Variants in RREB1 observed in about 807,000 individuals in gnomAD.
The protein encoded by RREB1 is ras-responsive element-binding protein 1.
A neutral mutation model predicts 117.8 loss-of-function variants in RREB1; 27 were observed. That is an observed-to-expected ratio of 0.23 (90% CI 0.17 to 0.32). The LOEUF (loss-of-function observed/expected upper bound fraction) is 0.32, where lower values mean the gene tolerates loss of function less well. Among genes scored for constraint, RREB1 ranks in the 10% least tolerant of loss-of-function variants. The pLI is 1.00. For synonymous variants in RREB1, 1,298 were observed against 1,026.7 expected (o/e 1.26, Z -5.05); for missense variants, 2,577 against 2,378.2 (o/e 1.08, Z -1.74).
At chr6:7,172,405 C>G (rs368342616) in intron 1 of RREB1, among the ~76,000 whole-genome samples, 3 of 151,746 alleles carry the variant, frequency 2.0e-5, no homozygotes, top group African/African-American at 4.8e-5. Flanking sequence ...TGCATCCCCC[C>G]ACCCCGGCTT....
chr6:7,225,177 G>A (rs1767511792), intron 8 of RREB1, among the ~76,000 whole-genome samples: 1 of 152,198 alleles, frequency 6.6e-6, no homozygotes, highest in Non-Finnish European at 1.5e-5. Context: ...GGCTTTGCCT[G>A]GCTAAAACAG....
intron 6 of RREB1, among the ~76,000 whole-genome samples, chr6:7,195,683 C>T (rs1246571284): frequency 6.6e-6 from 1 of 152,190 alleles, no homozygotes; most frequent in African/African-American, 2.4e-5. Context: ...CTGTTGGCAC[C>T]TGCTGGGATT....
intron 1 of RREB1, among the ~76,000 whole-genome samples, chr6:7,148,544 G>T (rs553646310): frequency 6.7e-6 from 1 of 150,080 alleles, no homozygotes; most frequent in East Asian, 1.9e-4. Context: ...AAGTAAAGTG[G>T]GGGGGGGTGG....
At chr6:7,118,752 T>TA (rs1452600606) in intron 1 of RREB1, among the ~76,000 whole-genome samples, 3 of 151,122 alleles carry the variant, frequency 2.0e-5, no homozygotes, top group African/African-American at 7.3e-5. Flanking sequence ...CTTTTGAAAA[T>TA]AGTCAGTTTT....
intron 1 of RREB1, among the ~76,000 whole-genome samples, chr6:7,126,502 C>T (rs763038599): frequency 8.6e-5 from 13 of 151,782 alleles, no homozygotes; most frequent in South Asian, 2.1e-4. Context: ...CTCCTGACCT[C>T]GGGTGATCTG....
intron 1 of RREB1, among the ~76,000 whole-genome samples, chr6:7,146,815 G>C (rs1316687768): frequency 2.0e-5 from 3 of 151,610 alleles, no homozygotes; most frequent in African/African-American, 4.9e-5. Flanking sequence ...AGAGGAAAAG[G>C]AGCTCTTTTT....
chr6:7,142,308 C>G (rs951722583), intron 1 of RREB1, among the ~76,000 whole-genome samples: 4 of 152,368 alleles, frequency 2.6e-5, no homozygotes, highest in African/African-American at 7.2e-5. Context: ...CTTTTACACC[C>G]TCCTCCGAGA....
chr6:7,221,463 C>T (rs1204099818), intron 8 of RREB1, among the ~76,000 whole-genome samples: 4 of 152,198 alleles, frequency 2.6e-5, no homozygotes, highest in African/African-American at 7.2e-5. Flanking sequence ...TGAGCCACCG[C>T]GCCCGGCCGC....
Position 7,246,839 on chromosome 6 carries a change from G to A in RREB1, c.4389G>A (p.Leu1463=), listed in dbSNP as rs747015232. ...CGKSFKFLGT[L]SRHRKAHGRQ... is the part of the protein sequence containing the mutation. ...AGAGCTTCAAGTTCCTGGGCACCCTGAGCCGCCACCGGAAGGCGCACGGCC... is the reference window on the plus strand; with the variant it reads ...AGAGCTTCAAGTTCCTGGGCACCCTAAGCCGCCACCGGAAGGCGCACGGCC... The change falls in exon 12 of 13, where the codon CTG becomes CTA. Residue 1463 remains leucine (L), a synonymous_variant. Transcript: ENST00000379938. 6.4e-7 allele frequency: 1 copy of A among 1,553,424 alleles called. No individual in the cohort carries two copies. Among genetic ancestry groups the A allele is most frequent in the African/African-American group, 1.4e-5 (1 of 73,468 alleles).
At position 7,196,216 on chromosome 6, in the gene RREB1, TC is replaced by T. The variant is rs1274496817; in HGVS notation, c.425+6895del. On this transcript the variant is annotated intron_variant, in intron 6 of 12. Coordinates refer to ENST00000379938, the MANE Select transcript of RREB1 (RefSeq NM_001003699.4). ...GTTCGTTGTTTTTTGGTTTTTTTTT[TC>T]GTTTTTTTTTTTTGTTTTTTTTTTT... 1.1e-4 allele frequency among the ~76,000 whole-genome samples: 15 copies of T among 137,768 alleles called. 1 individual carries two copies. The highest frequency in any genetic ancestry group is 2.2e-4 in the South Asian group (1 of 4,520). The allele number at this position is 137,768 out of a possible 152,430, so 90.4% of individuals were successfully genotyped here. A position where few individuals can be genotyped will look rare whatever the true frequency, so the allele number is the denominator to read the frequency against.
At chr6:7,123,685 A>G (rs974470006) in intron 1 of RREB1, among the ~76,000 whole-genome samples, 3 of 138,502 alleles carry the variant, frequency 2.2e-5, no homozygotes, top group African/African-American at 8.3e-5. Flanking sequence ...ACCTCAGCTC[A>G]CTGCAAGCTC....
At chr6:7,181,755 C>T (rs766033366) in intron 3 of RREB1, 115 bp from the exon 4 acceptor site, 4 of 775,234 alleles carry the variant, frequency 5.2e-6, no homozygotes, top group Non-Finnish European at 8.9e-6. Flanking sequence ...TGGAGAAAGA[C>T]AGCGTTGGAT....
rs1765454904 is a variant in RREB1, at chr6:7,192,331, T to C, written c.425+3009T>C. On this transcript the variant is annotated intron_variant, in intron 6 of 12. Coordinates refer to ENST00000379938, the MANE Select transcript of RREB1 (RefSeq NM_001003699.4). The stretch of plus-strand genomic sequence containing the variant: ...CCTCAGCCTCCCAGGTAGCTGGGAC[T>C]ACAGGCGTGCACCACCACTCCTGGC... Among the ~76,000 whole-genome samples the C allele has an allele frequency of 2.6e-5, 4 of 151,962 alleles. No individual in the cohort carries two copies. In the South Asian group the frequency reaches 8.3e-4, roughly 32 times the overall value.
At chr6:7,148,021 A>C (rs1302735994) in intron 1 of RREB1, among the ~76,000 whole-genome samples, 1 of 152,198 alleles carries the variant, frequency 6.6e-6, no homozygotes, top group Non-Finnish European at 1.5e-5. Flanking sequence ...TATATTGCTT[A>C]TGTAGAGGTC....
intron 1 of RREB1, among the ~76,000 whole-genome samples, chr6:7,126,946 A>G (rs1183778296): frequency 6.6e-6 from 1 of 152,186 alleles, no homozygotes; most frequent in Non-Finnish European, 1.5e-5. Context: ...GGAAAAGAAG[A>G]GGAAGTGATG....
chr6:7,141,539 G>T (rs978436031), intron 1 of RREB1, among the ~76,000 whole-genome samples: 1 of 151,826 alleles, frequency 6.6e-6, no homozygotes, highest in Non-Finnish European at 1.5e-5. Context: ...CACAAGATTT[G>T]CATAGACATG....
intron 1 of RREB1, among the ~76,000 whole-genome samples, chr6:7,118,710 C>T (rs1761522366): frequency 6.6e-6 from 1 of 151,688 alleles, no homozygotes; most frequent in Non-Finnish European, 1.5e-5. Context: ...ACCTCCTGTC[C>T]TGGAGTGTGA....
At chr6:7,166,271 C>G (rs1323269172) in intron 1 of RREB1, among the ~76,000 whole-genome samples, 2 of 152,208 alleles carry the variant, frequency 1.3e-5, no homozygotes, top group Non-Finnish European at 2.9e-5. Context: ...CCAAAAAGGC[C>G]CATCCTGCCT....
chr6:7,211,344 A>ATGGG (rs1220820897), intron 7 of RREB1, among the ~76,000 whole-genome samples: 6 of 140,534 alleles, frequency 4.3e-5, no homozygotes, highest in African/African-American at 1.9e-4. Context: ...GGACAGATGG[A>ATGGG]TGGATGGATG....
Sources: gnomAD v4.1 joint callset for allele counts (sites outside exome capture counted in the v4.1 genomes callset) on GRCh38, gnomAD v4.1.1 for gene constraint, MANE v1.5 for transcripts, NCBI Gene and HGNC (gene_info 2026-07-23, HGNC 2026-07-21) for gene names.